MPP7: variants seen among roughly 807,000 people sequenced by gnomAD.
MPP7 encodes MAGUK p55 scaffold protein 7, also known as MAGUK p55 subfamily member 7.
In MPP7, 60 loss-of-function variants were observed where a neutral mutation model predicts 76.5. The ratio of observed to expected loss-of-function variants is 0.78; its 90% CI spans 0.64 to 0.97. The LOEUF (loss-of-function observed/expected upper bound fraction) is 0.97, where lower values mean the gene tolerates loss of function less well. MPP7 is among the 50% of genes least tolerant of loss of function. MPP7 has a pLI of 0.00. For synonymous variants in MPP7, 237 were observed against 244.5 expected, an observed-to-expected ratio of 0.97 and a Z score of 0.29; for missense variants, 641 against 694.0, an observed-to-expected ratio of 0.92 and a Z score of 0.86.
rs752639971 is a variant in MPP7, at chr10:28,120,672, G to T, written c.616-4C>A. ...TAATTGCTCCCTGAGACTGAGCCTG[G>T]TAACAGATAAAACAAGGAGTTATAA... On this transcript the variant is annotated splice_polypyrimidine_tract_variant and splice_region_variant and intron_variant, in intron 8 of 16. Transcript: ENST00000683449. 12 of 1,612,112 alleles carry T rather than the reference G, an allele frequency of 7.4e-6. No individual in the cohort carries two copies. Among genetic ancestry groups the T allele is most frequent in the Non-Finnish European group, 1.0e-5 (12 of 1,178,516 alleles).
At chr10:28,110,243 C>T (rs989176724) in intron 11 of MPP7, among the ~76,000 whole-genome samples, 5 of 152,106 alleles carry the variant, frequency 3.3e-5, no homozygotes, top group African/African-American at 1.2e-4. Flanking sequence ...GCACGCACCA[C>T]CACACCCGGC....
At chr10:28,300,910 A>T (rs10763658) in intron 1 of MPP7, among the ~76,000 whole-genome samples, 46,533 of 150,936 alleles carry the variant, frequency 0.31, 8,506 homozygotes, top group East Asian at 0.55. Flanking sequence ...AGTGAGCCAC[A>T]GCACTCCAGC....
intron 13 of MPP7, among the ~76,000 whole-genome samples, chr10:28,061,113 T>A (rs1032044508): frequency 6.6e-6 from 1 of 151,852 alleles, no homozygotes; most frequent in African/African-American, 2.4e-5. Context: ...ATATTCACAA[T>A]GTCCAAAATG....
rs1000942093 is a variant in MPP7, at chr10:28,114,328, C to T, written c.952+5323G>A. ...TCAGGAGGCTGAGACAAGAGGATCA[C>T]TTGAGCCCAGGAGTTCAAAGCTGCA... On this transcript the variant is annotated intron_variant, in intron 11 of 16. Coordinates refer to ENST00000683449, the MANE Select transcript of MPP7 (RefSeq NM_001318170.2). 2.0e-5 allele frequency among the ~76,000 whole-genome samples: 3 copies of T among 152,158 alleles called. 1 individual carries two copies. Among genetic ancestry groups the T allele is most frequent in the Non-Finnish European group, 4.4e-5 (3 of 68,032 alleles).
At chr10:28,066,824 C>G (rs1852006337) in intron 13 of MPP7, among the ~76,000 whole-genome samples, 2 of 152,186 alleles carry the variant, frequency 1.3e-5, no homozygotes, top group South Asian at 4.1e-4. Context: ...GGGATTCATT[C>G]TTATTGTTGC....
chr10:28,122,073 C>T lies in MPP7; in HGVS notation c.616-1405G>A, dbSNP rs1011433160. Among the ~76,000 whole-genome samples, 5 of 152,276 alleles carry T rather than the reference C, an allele frequency of 3.3e-5. 1 individual carries two copies. Among genetic ancestry groups the T allele is most frequent in the South Asian group, 4.1e-4 (2 of 4,830 alleles). ...TTATTTCAAAATGGTAATATCATTG[C>T]TATTGCTTATTGTAGAAGGCGCTCA... On this transcript the variant is annotated intron_variant, in intron 8 of 16. Transcript: ENST00000683449.
chr10:28,278,225 G>A (rs907419218), intron 1 of MPP7, among the ~76,000 whole-genome samples: 3 of 152,002 alleles, frequency 2.0e-5, no homozygotes, highest in Non-Finnish European at 2.9e-5. Flanking sequence ...GCACTCCTAT[G>A]TATGTTAGTA....
chr10:28,079,611 A>T (rs531250822), intron 12 of MPP7, among the ~76,000 whole-genome samples: 7 of 152,350 alleles, frequency 4.6e-5, no homozygotes, highest in Admixed American at 1.3e-4. Context: ...AATGATTTGA[A>T]ATACCAGGTA....
At chr10:28,257,373 T>G (rs1456779056) in intron 1 of MPP7, among the ~76,000 whole-genome samples, 3 of 151,790 alleles carry the variant, frequency 2.0e-5, no homozygotes, top group African/African-American at 7.3e-5. Context: ...AACACAGAAT[T>G]TATATAAAAC....
rs181285526 is a variant in MPP7, at chr10:28,133,607, G to C, written c.316-1916C>G. On this transcript the variant is annotated intron_variant, in intron 5 of 16. Coordinates refer to ENST00000683449, the MANE Select transcript of MPP7 (RefSeq NM_001318170.2). Reference sequence around the variant, plus strand: ...CTGTTTTAAATCAAACTTTTGAATTGACTATAACATATATACAAAAAGTAC... The same window carrying C: ...CTGTTTTAAATCAAACTTTTGAATTCACTATAACATATATACAAAAAGTAC... Among the ~76,000 whole-genome samples the C allele has an allele frequency of 1.1e-4, 17 of 152,218 alleles. 1 individual carries two copies. In the East Asian group the frequency reaches 2.9e-3, roughly 26 times the overall value.
chr10:28,112,778 A>C (rs1834544199), intron 11 of MPP7, among the ~76,000 whole-genome samples: 1 of 152,186 alleles, frequency 6.6e-6, no homozygotes, highest in South Asian at 2.1e-4. Context: ...ACACTACAAT[A>C]CACAAACTTA....
intron 2 of MPP7, among the ~76,000 whole-genome samples, chr10:28,321,977 G>GTC (rs1055083070): frequency 4.6e-5 from 7 of 151,716 alleles, no homozygotes; most frequent in African/African-American, 1.7e-4. Context: ...GTGTGTGTGT[G>GTC]TGTGTGTGTG....
rs1480507618 is a variant in MPP7, at chr10:28,051,452, TTTGA to T, written c.*2609_*2612del. The T allele has an allele frequency of 6.6e-6, 1 of 152,214 alleles. No individual in the cohort carries two copies. The highest frequency in any genetic ancestry group is 2.4e-5 in the African/African-American group (1 of 41,462). The allele number at this position is 152,214 out of a possible 1,614,324, so 9.4% of individuals were successfully genotyped here. On this transcript the variant is annotated 3_prime_UTR_variant, in exon 17 of 17. Coordinates refer to ENST00000683449, the MANE Select transcript of MPP7 (RefSeq NM_001318170.2). The stretch of plus-strand genomic sequence containing the variant: ...TAAATTTTACTTTCACCTTTTTATG[TTTGA>T]TTGACTACAGTCAATAATAGGAGTA...
chr10:28,276,826 G>A (rs1238381664), intron 1 of MPP7, among the ~76,000 whole-genome samples: 1 of 152,076 alleles, frequency 6.6e-6, no homozygotes, highest in Non-Finnish European at 1.5e-5. Context: ...ATTAAGACTT[G>A]ATAGGATTAG....
At chr10:28,232,915 T>C (rs570151953) in intron 2 of MPP7, among the ~76,000 whole-genome samples, 3 of 152,296 alleles carry the variant, frequency 2.0e-5, no homozygotes, top group Non-Finnish European at 2.9e-5. Context: ...CTTATAAAGG[T>C]TTTTTATGTG....
chr10:28,253,250 T>C (rs1173699837), intron 1 of MPP7, among the ~76,000 whole-genome samples: 1 of 152,140 alleles, frequency 6.6e-6, no homozygotes, highest in African/African-American at 2.4e-5. Context: ...TGATTCTTGG[T>C]AAAAGATGAG....
At chr10:28,092,576 C>CATTTTTTT (rs1564626626) in intron 11 of MPP7, among the ~76,000 whole-genome samples, 1 of 101,602 alleles carries the variant, frequency 9.8e-6, no homozygotes, top group African/African-American at 4.5e-5. Context: ...AGAAAAGGGA[C>CATTTTTTT]CTTTTTTTTT....
At position 28,147,499 on chromosome 10, in the gene MPP7, G is replaced by C. The variant is rs749091473; in HGVS notation, c.299C>G (p.Ser100Ter). 1 of 1,613,916 alleles carries C rather than the reference G, an allele frequency of 6.2e-7. No individual in the cohort carries two copies. Among genetic ancestry groups the C allele is most frequent in the Non-Finnish European group, 8.5e-7 (1 of 1,179,832 alleles). ...SEIRELLKLLSKPNVKALLSV... is the reference protein window; with the variant it reads ...SEIRELLKLL Reference sequence around the variant, plus strand: ...TGTCCTCACCTTCACATTGGGTTTTGACAGTAGTTTCAACAGCTCTCTGAT... The same window carrying C: ...TGTCCTCACCTTCACATTGGGTTTTCACAGTAGTTTCAACAGCTCTCTGAT... Residue 100 changes from serine to a stop codon, truncating the protein, a stop_gained, in exon 5 of 17, where the codon TCA (serine) becomes TGA (stop). Transcript: ENST00000683449. LOFTEE classifies it high-confidence loss of function.
chr10:28,114,522 C>T (rs1834601556), intron 11 of MPP7, among the ~76,000 whole-genome samples: 1 of 151,862 alleles, frequency 6.6e-6, no homozygotes, highest in South Asian at 2.1e-4. Context: ...GCACACTGGG[C>T]AGTAGTAAAC....
Sources: gnomAD v4.1 joint callset for allele counts (sites outside exome capture counted in the v4.1 genomes callset) on GRCh38, gnomAD v4.1.1 for gene constraint, MANE v1.5 for transcripts, NCBI Gene and HGNC (gene_info 2026-07-23, HGNC 2026-07-21) for gene names.